Variants in B9D1 observed in about 807,000 individuals in gnomAD.
The protein encoded by B9D1 is B9 domain-containing protein 1.
B9D1 carries 20 observed loss-of-function variants against 26.1 expected under a neutral mutation model. The ratio of observed to expected loss-of-function variants is 0.77; its 90% CI spans 0.54 to 1.12. B9D1 has a LOEUF of 1.12. Among genes scored for constraint, B9D1 ranks in the 50% most tolerant of loss-of-function variants. The probability of loss-of-function intolerance (pLI) is 0.00; values close to 1 mark genes in which losing one functional copy is unlikely to be tolerated. For missense variants in B9D1, 260 were observed against 273.7 expected (o/e 0.95, Z 0.35); for synonymous variants, 105 against 103.1 (o/e 1.02, Z -0.11).
chr17:19,358,422 C>T (rs1220194780), intron 2 of B9D1, among the ~76,000 whole-genome samples: 1 of 152,238 alleles, frequency 6.6e-6, no homozygotes, highest in Non-Finnish European at 1.5e-5. Context: ...AGCTGCCACA[C>T]TCACCGGCTC....
rs1044091382 is a variant in B9D1, at chr17:19,347,127, G to A, written c.404+142C>T. 15 of 1,592,836 alleles carry A rather than the reference G, an allele frequency of 9.4e-6. No individual in the cohort carries two copies. Among genetic ancestry groups the A allele is most frequent in the Non-Finnish European group, 1.3e-5 (15 of 1,169,210 alleles). ...GGAGCCCCGTGACTCAGCACTCCCA[G>A]GGGACCTGTTTCTATTTGTCCTCAG... On this transcript the variant is annotated intron_variant, in intron 5 of 6. Transcript: ENST00000261499. This position sits in a 1 kb window ranked among gnomAD's most constrained non-coding sequence, Gnocchi z 4.3.
chr17:19,353,221 G>A (rs772543809), intron 3 of B9D1, among the ~76,000 whole-genome samples: 11 of 151,330 alleles, frequency 7.3e-5, no homozygotes, highest in Admixed American at 4.6e-4. Flanking sequence ...TGATCCACCC[G>A]CCTCAGCCTC....
At chr17:19,375,065 C>T (rs774512434) in intron 1 of B9D1, among the ~76,000 whole-genome samples, 12 of 150,776 alleles carry the variant, frequency 8.0e-5, no homozygotes, top group Admixed American at 5.9e-4. Context: ...TGACGTAGGC[C>T]GATCACTTGA....
intron 1 of B9D1, among the ~76,000 whole-genome samples, chr17:19,368,470 C>G (rs550559667): frequency 6.6e-6 from 1 of 152,260 alleles, no homozygotes; most frequent in East Asian, 1.9e-4. Flanking sequence ...TTTGCTTAAC[C>G]TCTCTGAGAC....
downstream of B9D1, among the ~76,000 whole-genome samples, chr17:19,338,210 C>T (rs1038929111): frequency 6.6e-6 from 1 of 152,262 alleles, no homozygotes; most frequent in Non-Finnish European, 1.5e-5. Context: ...GTGCTGGAAG[C>T]TGCCGCACAG....
At chr17:19,377,304 T>C (rs1450030712) in intron 1 of B9D1, among the ~76,000 whole-genome samples, 1 of 152,238 alleles carries the variant, frequency 6.6e-6, no homozygotes, top group Non-Finnish European at 1.5e-5. Flanking sequence ...TAGGTAGTGA[T>C]GATGGCTGCT....
At chr17:19,364,751 T>C (rs1911494904), upstream of B9D1, 1 of 152,916 alleles carries the variant, frequency 6.5e-6, no homozygotes, top group Non-Finnish European at 1.5e-5. The surrounding 1 kb of genome is among the most constrained non-coding windows in gnomAD (Gnocchi z 4.3). Context: ...CCTGGGCTCC[T>C]AGACATTCCT....
chr17:19,362,470 TG>T, intron 1 of B9D1, 36 bp downstream of exon 1: 2 of 1,499,732 alleles, frequency 1.3e-6, no homozygotes, highest in Non-Finnish European at 1.8e-6. Flanking sequence ...CGGGGGACGC[TG>T]GGGGGCGGGC....
chr17:19,363,806 C>G (rs1016815621), upstream of B9D1: 1 of 152,284 alleles, frequency 6.6e-6, no homozygotes, highest in African/African-American at 2.4e-5. Context: ...AGTCTCAGCC[C>G]AGCCTGCACC....
In B9D1 at chr17:19,375,162, T is replaced by C. The variant is rs60526617; in HGVS notation, c.-298+2697A>G. Among the ~76,000 whole-genome samples the C allele has an allele frequency of 7.4e-3, 1,125 of 152,214 alleles. 56 individuals carry two copies. In the East Asian group the frequency reaches 0.12, roughly 16 times the overall value. On this transcript the variant is annotated intron_variant, in intron 1 of 5. Transcript: ENST00000477478. ...AAAATTAGCTGAGTGCAATGATGTG[T>C]GCCTGTAGTCCTAGCTACTTGAGAG...
chr17:19,341,328 T>C (rs1907938086), downstream of B9D1: 2 of 1,231,776 alleles, frequency 1.6e-6, no homozygotes, highest in African/African-American at 1.6e-5. Context: ...CTGTGATAGC[T>C]GTGATAAAAT....
At chr17:19,357,448 A>G in intron 3 of B9D1, 1 of 323,718 alleles carries the variant, frequency 3.1e-6, no homozygotes, top group Non-Finnish European at 6.1e-6. Flanking sequence ...TTGAGGGACT[A>G]GCACAGGAGG....
In B9D1 at chr17:19,343,352, C is replaced by T; in HGVS notation, c.582G>A (p.Leu194=). ...DTGPSDTQGV[L]GPSPPQSFPQ Reference sequence around the variant, plus strand: ...GGAAGCTCTGGGGTGGGCTGGGCCCCAACACACCCTGTGTATCAGAAGGCC... The same window carrying T: ...GGAAGCTCTGGGGTGGGCTGGGCCCTAACACACCCTGTGTATCAGAAGGCC... The change falls in exon 7 of 7, where the codon TTG becomes TTA. Residue 194 remains leucine (L), a synonymous_variant. Coordinates refer to ENST00000261499, the MANE Select transcript of B9D1 (RefSeq NM_015681.6). 1 of 1,614,150 alleles carries T rather than the reference C, an allele frequency of 6.2e-7. No homozygotes were observed. The highest frequency in any genetic ancestry group is 1.3e-5 in the African/African-American group (1 of 75,026).
At chr17:19,340,505 C>A (rs1022609630), downstream of B9D1, among the ~76,000 whole-genome samples, 1 of 148,986 alleles carries the variant, frequency 6.7e-6, no homozygotes, top group Admixed American at 6.7e-5. Flanking sequence ...CTTGGCCAGG[C>A]GCAGTGGCTC....
At chr17:19,368,503 A>T (rs892344525) in intron 1 of B9D1, among the ~76,000 whole-genome samples, 2 of 152,194 alleles carry the variant, frequency 1.3e-5, no homozygotes, top group Non-Finnish European at 2.9e-5. Context: ...AAAATGAGGA[A>T]CATAAGATCC....
At position 19,343,450 on chromosome 17, in the gene B9D1, G is replaced by C; in HGVS notation, c.484C>G (p.Arg162Gly). ...QGEGREVTRV[R>G]SQGFVTLLFN... ...AGGAGGGTGACAAAGCCCTGAGAAC[G>C]GACACGGGTCACTGGGGACAGAAGG... The change falls in exon 7 of 7, where the codon CGT becomes GGT. Residue 162 changes from arginine (R) to glycine (G), a missense_variant. By Grantham distance (125) the Arg-to-Gly change is moderately radical. Coordinates refer to ENST00000261499, the MANE Select transcript of B9D1 (RefSeq NM_015681.6). 1 of 1,614,172 alleles carries C rather than the reference G, an allele frequency of 6.2e-7. No homozygotes were observed. Among genetic ancestry groups the C allele is most frequent in the South Asian group, 1.1e-5 (1 of 91,082 alleles).
At chr17:19,344,872 AGT>A (rs1195187587) in intron 5 of B9D1, among the ~76,000 whole-genome samples, 1 of 152,210 alleles carries the variant, frequency 6.6e-6, no homozygotes, top group Non-Finnish European at 1.5e-5. Context: ...GGAGCCAGAG[AGT>A]GAAAGCCAGC....
intron 3 of B9D1, among the ~76,000 whole-genome samples, chr17:19,350,413 G>A (rs536525799): frequency 2.0e-5 from 3 of 152,086 alleles, no homozygotes; most frequent in African/African-American, 7.2e-5. Context: ...GGGTGTGGTC[G>A]CATGTGCCTG....
intron 3 of B9D1, among the ~76,000 whole-genome samples, chr17:19,350,130 G>T (rs1909401630): frequency 6.6e-6 from 1 of 151,830 alleles, no homozygotes. Context: ...AAAAGACCAG[G>T]CTGGGAGCAG....
Sources: gnomAD v4.1 joint callset for allele counts (sites outside exome capture counted in the v4.1 genomes callset) on GRCh38, gnomAD v4.1.1 for gene constraint, Gnocchi (gnomAD v3.1) non-coding constraint, MANE v1.5 for transcripts, NCBI Gene and HGNC (gene_info 2026-07-23, HGNC 2026-07-21) for gene names.